Variants in PERM1 observed in about 807,000 individuals in gnomAD.
The protein encoded by PERM1 is PGC-1 and ERR-induced regulator in muscle protein 1.
A neutral mutation model predicts 44.1 loss-of-function variants in PERM1; 45 were observed. The observed-to-expected ratio is 1.02, with a 90% CI of 0.80 to 1.31. PERM1 has a LOEUF of 1.31. Among genes scored for constraint, PERM1 ranks in the 50% most tolerant of loss-of-function variants. The pLI, the probability that PERM1 is intolerant of heterozygous loss-of-function variation, is 0.00. For missense variants in PERM1, 1,189 were observed against 1,106.9 expected (o/e 1.07, Z -1.05); for synonymous variants, 565 against 477.1 (o/e 1.18, Z -2.40).
exon 1 of PERM1, chr1:978,967 G>C (rs1335162560): frequency 1.3e-6 from 2 of 1,509,978 alleles, no homozygotes; most frequent in Non-Finnish European, 1.8e-6. Context: ...GGCCGACCGG[G>C]GAGGCTCCAG....
exon 2 of PERM1, chr1:976,571 G>A: frequency 1.3e-6 from 2 of 1,549,580 alleles, no homozygotes; most frequent in East Asian, 2.4e-5. Context: ...ACAAACACCA[G>A]GCACATGTCA....
At chr1:978,598 C>A (rs537249558) in intron 1 of PERM1, among the ~76,000 whole-genome samples, 2 of 152,208 alleles carry the variant, frequency 1.3e-5, no homozygotes, top group Non-Finnish European at 2.9e-5. Context: ...CAGGCCTGGG[C>A]GGGAACCCTG....
At chr1:976,469 G>A (rs992180971) in intron 2 of PERM1, 30 bp downstream of exon 3, 7 of 1,549,238 alleles carry the variant, frequency 4.5e-6, no homozygotes, top group African/African-American at 2.7e-5. Context: ...GCTTCTAGGC[G>A]CAGCTCCCTC....
chr1:980,284 GGTCT>G lies in PERM1; in HGVS notation c.742_745del (p.Arg248GlnfsTer13). 1 of 1,550,370 alleles carries G rather than the reference GGTCT, an allele frequency of 6.5e-7. No individual in the cohort carries two copies. The highest frequency in any genetic ancestry group is 1.2e-5 in the South Asian group (1 of 84,054). ...TGTAGACAGGCCCAAACCTGGCCCTGGTCTGTCTTCCTGCACAGGGGACCTGGGG... is the reference window on the plus strand; with the variant it reads ...TGTAGACAGGCCCAAACCTGGCCCTGGTCTTCCTGCACAGGGGACCTGGGG... On this transcript the variant is annotated frameshift_variant, in exon 1 of 3. Transcript: ENST00000433179. LOFTEE classifies it high-confidence loss of function.
At position 979,077 on chromosome 1, in the gene PERM1, G is replaced by A. The variant is rs772976435; in HGVS notation, c.1953C>T (p.Pro651=). 70 of 1,548,410 alleles carry A rather than the reference G, an allele frequency of 4.5e-5. 1 individual carries two copies. In the South Asian group the frequency reaches 5.5e-4, roughly 12 times the overall value. ...AGACCTCAGGGATGGAGATGGGCAC[G>A]GGGTCTCCAGGTATGGGGGCCGGCA... Residue 651 remains proline, a synonymous_variant, in exon 1 of 3, where the codon CCC becomes CCT. Coordinates refer to ENST00000433179, the Ensembl canonical transcript of PERM1.
chr1:976,187 G>A, exon 3 of PERM1: 2 of 1,545,962 alleles, frequency 1.3e-6, no homozygotes, highest in Non-Finnish European at 1.7e-6. Context: ...AGCTGGGGCT[G>A]GGGCTGTGGC....
Position 979,494 on chromosome 1 carries a change from G to A in PERM1, c.1536C>T (p.Ser512=), listed in dbSNP as rs1237939328. Residue 512 remains serine, a synonymous_variant, in exon 1 of 3, where the codon AGC becomes AGT. Coordinates refer to ENST00000433179, the Ensembl canonical transcript of PERM1. Reference sequence around the variant, plus strand: ...CCTGTCCTGAGCCTGGCTTATTGGGGCTGGGCCCAGCCACGGAGAAGCGCA... The same window carrying A: ...CCTGTCCTGAGCCTGGCTTATTGGGACTGGGCCCAGCCACGGAGAAGCGCA... 1.3e-5 allele frequency: 20 copies of A among 1,547,528 alleles called. No individual in the cohort carries two copies. In the Admixed American group the frequency reaches 3.7e-4, roughly 29 times the overall value.
chr1:976,246 T>A, exon 3 of PERM1: 1 of 1,533,572 alleles, frequency 6.5e-7, no homozygotes, highest in African/African-American at 1.4e-5. Flanking sequence ...ATGGCAGAGA[T>A]GGTGCCGACG....
rs1256876895 is a variant in PERM1 at position 980,455 on chromosome 1, C to T, written c.575G>A (p.Gly192Glu). The T allele has an allele frequency of 4.6e-6, 7 of 1,537,330 alleles. No individual in the cohort carries two copies. The Admixed American group carries it at 1.2e-4, about 27-fold the overall frequency. ...AGCAGAGGCTCCTGTGTGCCCACCC[C>T]CCTTGGCACCCACAGCTCGCCTCTT... Residue 192 changes from glycine (G) to glutamate (E), a missense_variant, in exon 1 of 3, where the codon GGG becomes GAG. Coordinates refer to ENST00000433179, the Ensembl canonical transcript of PERM1.
exon 1 of PERM1, chr1:979,744 G>A (rs902154780): frequency 7.7e-6 from 12 of 1,550,352 alleles, no homozygotes; most frequent in Non-Finnish European, 1.0e-5. Flanking sequence ...CGAGACAGGT[G>A]GAGATGAAGC....
chr1:976,467 G>A (rs1451495235), intron 2 of PERM1, 32 bp downstream of exon 3: 1 of 1,549,378 alleles, frequency 6.5e-7, no homozygotes, highest in Non-Finnish European at 8.7e-7. Flanking sequence ...TGGCTTCTAG[G>A]CGCAGCTCCC....
At chr1:980,735 C>A in exon 1 of PERM1, 1 of 1,411,924 alleles carries the variant, frequency 7.1e-7, no homozygotes, top group Non-Finnish European at 9.2e-7. Context: ...GTCTGCTGAC[C>A]GGTCCCCAGG....
chr1:976,082 AGAGGGCCCGGGC>A, exon 3 of PERM1: 1 of 1,300,154 alleles, frequency 7.7e-7, no homozygotes, highest in Non-Finnish European at 1.0e-6. Context: ...GAGAGGGGTC[AGAGGGCCCGGGC>A]GAGGGCGGCA....
chr1:981,119 G>A (rs74357301), upstream of PERM1: 1,737 of 1,548,988 alleles, frequency 1.1e-3, 37 homozygotes, highest in East Asian at 0.039. Flanking sequence ...TGCACATGCC[G>A]CCCCTGCCCC....
At chr1:980,899 T>C (rs1425390265) in exon 1 of PERM1, 2 of 1,411,342 alleles carry the variant, frequency 1.4e-6, no homozygotes, top group African/African-American at 1.5e-5. Flanking sequence ...GTCCCCTTGG[T>C]CAATGTCACT....
In PERM1 at chr1:978,232, C is replaced by A. The variant is rs543878803; in HGVS notation, c.2149+649G>T. Among the ~76,000 whole-genome samples, 378 of 150,406 alleles carry A rather than the reference C, an allele frequency of 2.5e-3. 1 individual carries two copies. The highest frequency in any genetic ancestry group is 4.5e-3 in the Non-Finnish European group (301 of 67,630). ...AACTGCCTGCCCCGCACACGCCCGC[C>A]CCGGGAACCGCCTGCCCCAGATACA... On this transcript the variant is annotated intron_variant, in intron 1 of 2. Transcript: ENST00000433179.
exon 1 of PERM1, chr1:979,542 G>A: frequency 6.5e-7 from 1 of 1,550,020 alleles, no homozygotes; most frequent in Non-Finnish European, 8.7e-7. Context: ...TGGGGACTTG[G>A]GTGAGACCCA....
Position 979,523 on chromosome 1 carries a change from T to A in PERM1, c.1507A>T (p.Lys503Ter). Residue 503 changes from lysine (K) to a stop codon, truncating the protein, a stop_gained, in exon 1 of 3, where the codon AAA becomes TAA. Coordinates refer to ENST00000433179, the Ensembl canonical transcript of PERM1. LOFTEE classifies it high-confidence loss of function. ...GGCCCAGCCACGGAGAAGCGCACTT[T>A]CTTCTTCCTGGGGACTTGGGTGAGA... The A allele has an allele frequency of 6.5e-7, 1 of 1,549,942 alleles. No homozygotes were observed. Among genetic ancestry groups the A allele is most frequent in the Non-Finnish European group, 8.7e-7 (1 of 1,146,738 alleles).
At chr1:981,497 C>T (rs1197731342), upstream of PERM1, among the ~76,000 whole-genome samples, 2 of 152,242 alleles carry the variant, frequency 1.3e-5, no homozygotes, top group African/African-American at 4.8e-5. Context: ...GGGACCAGTG[C>T]CCTCGGGGGT....
Sources: allele counts gnomAD v4.1 joint callset (sites outside exome capture counted in the v4.1 genomes callset), GRCh38; gene constraint gnomAD v4.1.1; transcripts MANE v1.5; gene names NCBI Gene and HGNC (gene_info 2026-07-23, HGNC 2026-07-21).